MAP3K7CL: variants seen among roughly 807,000 people sequenced by gnomAD.
MAP3K7CL encodes the protein MAP3K7 C-terminal like, also known as MAP3K7 C-terminal-like protein.
MAP3K7CL carries 16 observed loss-of-function variants against 18.6 expected under a neutral mutation model. That is an observed-to-expected ratio of 0.86 (90% confidence interval 0.58 to 1.31). The LOEUF (loss-of-function observed/expected upper bound fraction) is 1.31, where lower values mean the gene tolerates loss of function less well. Among genes scored for constraint, MAP3K7CL ranks in the 50% most tolerant of loss-of-function variants. The pLI is 0.00. For missense variants in MAP3K7CL, 163 were observed against 174.4 expected, an observed-to-expected ratio of 0.93 and a Z score of 0.37; for synonymous variants, 65 against 66.8, an observed-to-expected ratio of 0.97 and a Z score of 0.13.
intron 1 of MAP3K7CL, among the ~76,000 whole-genome samples, chr21:29,132,811 C>T (rs1374945122): frequency 3.3e-5 from 5 of 152,124 alleles, no homozygotes. Context: ...CACCCAGCGA[C>T]TTTTGGTATT....
At chr21:29,083,961 AAT>A (rs898860241), upstream of MAP3K7CL, among the ~76,000 whole-genome samples, 3 of 147,398 alleles carry the variant, frequency 2.0e-5, no homozygotes, top group Admixed American at 6.8e-5. Context: ...TATAATATAT[AAT>A]ATATATAATT....
chr21:29,107,291 G>T (rs2086340494), intron 4 of MAP3K7CL, among the ~76,000 whole-genome samples: 1 of 151,948 alleles, frequency 6.6e-6, no homozygotes, highest in Non-Finnish European at 1.5e-5. Flanking sequence ...CTCTAGCCTG[G>T]GCAACAGAGC....
chr21:29,129,041 T>C (rs1405916813), upstream of MAP3K7CL, among the ~76,000 whole-genome samples: 10 of 152,226 alleles, frequency 6.6e-5, no homozygotes, highest in Admixed American at 6.5e-4. Flanking sequence ...TCCTTTTACT[T>C]GTATATTTAA....
chr21:29,092,465 G>T (rs372992511), exon 4 of MAP3K7CL: 9 of 1,614,134 alleles, frequency 5.6e-6, no homozygotes, highest in Non-Finnish European at 7.6e-6. Context: ...TCTGCAACAA[G>T]TTTGGCCATG....
chr21:29,087,103 A>G (rs2085938136), intron 1 of MAP3K7CL, among the ~76,000 whole-genome samples: 1 of 151,816 alleles, frequency 6.6e-6, no homozygotes, highest in South Asian at 2.1e-4. Flanking sequence ...GACATGCCAC[A>G]CTCATTCTCT....
At chr21:29,132,531 A>G (rs2146625352) in intron 1 of MAP3K7CL, among the ~76,000 whole-genome samples, 1 of 152,190 alleles carries the variant, frequency 6.6e-6, no homozygotes, top group South Asian at 2.1e-4. Flanking sequence ...TTTATTTTAG[A>G]CAGAGTCTCA....
intron 3 of MAP3K7CL, among the ~76,000 whole-genome samples, chr21:29,156,294 T>A (rs1269594036): frequency 6.6e-6 from 1 of 152,242 alleles, no homozygotes; most frequent in Non-Finnish European, 1.5e-5. Flanking sequence ...AAATAGTGTT[T>A]CTTTTATTCC....
At chr21:29,108,218 C>T (rs1431301340) in intron 4 of MAP3K7CL, among the ~76,000 whole-genome samples, 2 of 152,082 alleles carry the variant, frequency 1.3e-5, no homozygotes, top group African/African-American at 4.8e-5. Flanking sequence ...ATCAGATAGG[C>T]TTAGTGTCCT....
intron 4 of MAP3K7CL, among the ~76,000 whole-genome samples, chr21:29,119,552 G>A (rs1039551761): frequency 2.6e-5 from 4 of 151,958 alleles, no homozygotes; most frequent in African/African-American, 9.7e-5. Flanking sequence ...GTGCTGTTGC[G>A]CCTTTGTGTT....
At chr21:29,152,004 TA>T (rs1421327376) in intron 3 of MAP3K7CL, among the ~76,000 whole-genome samples, 2 of 152,228 alleles carry the variant, frequency 1.3e-5, no homozygotes, top group Admixed American at 6.5e-5. Flanking sequence ...TTTTCCCCCT[TA>T]AAGTATGATA....
chr21:29,105,109 C>T (rs2086297973), intron 4 of MAP3K7CL, among the ~76,000 whole-genome samples: 1 of 152,222 alleles, frequency 6.6e-6, no homozygotes, highest in Non-Finnish European at 1.5e-5. Flanking sequence ...ACCCAAGAAT[C>T]CAGCTCTGAG....
chr21:29,171,205 C>T (rs1291301701), intron 4 of MAP3K7CL, among the ~76,000 whole-genome samples: 1 of 151,998 alleles, frequency 6.6e-6, no homozygotes, highest in Non-Finnish European at 1.5e-5. Flanking sequence ...TCTGAGCTAC[C>T]TTTTTCTTCA....
In MAP3K7CL at chr21:29,174,806, C is replaced by T. The variant is rs987004753; in HGVS notation, c.343C>T (p.Arg115Trp). Residue 115 changes from arginine to tryptophan, a missense_variant, in exon 5 of 5, where the codon CGG becomes TGG. Physicochemically the swap from Arg to Trp is moderately radical, Grantham distance 101. Transcript: ENST00000399928. ...ATTCGAGGCTCTGACGGAGGAGAAT[C>T]GGACGTTGAGGTTGGCCCAGTCTCA... ...REFEALTEEN[R>W]TLRLAQSQCV... is the part of the protein sequence containing the mutation. The T allele has an allele frequency of 5.0e-6, 8 of 1,613,962 alleles. No homozygotes were observed. Among genetic ancestry groups the T allele is most frequent in the African/African-American group, 4.0e-5 (3 of 74,866 alleles).
intron 2 of MAP3K7CL, among the ~76,000 whole-genome samples, chr21:29,136,174 T>C (rs1370787369): frequency 6.6e-6 from 1 of 152,230 alleles, no homozygotes; most frequent in African/African-American, 2.4e-5. Flanking sequence ...ACTCTCTATT[T>C]TTGCATATAC....
At position 29,138,787 on chromosome 21, in the gene MAP3K7CL, G is replaced by T. The variant is rs925991055; in HGVS notation, c.70+5373G>T. Among the ~76,000 whole-genome samples, 3 of 152,006 alleles carry T rather than the reference G, an allele frequency of 2.0e-5. No homozygotes were observed. The East Asian group carries it at 5.8e-4, about 29-fold the overall frequency. ...ACTTGAGGCCAGGCAAGACCAGCCTGGGCAACATAATGAGACCTATCTCTA... is the reference window on the plus strand; with the variant it reads ...ACTTGAGGCCAGGCAAGACCAGCCTTGGCAACATAATGAGACCTATCTCTA... On this transcript the variant is annotated intron_variant, in intron 2 of 4. Coordinates refer to ENST00000399928, the MANE Select transcript of MAP3K7CL (RefSeq NM_001286620.2).
intron 4 of MAP3K7CL, among the ~76,000 whole-genome samples, chr21:29,098,884 C>T (rs977584683): frequency 8.5e-5 from 13 of 152,150 alleles, no homozygotes; most frequent in Non-Finnish European, 2.9e-5. Context: ...GACTTTGCCT[C>T]CTCAGTTATG....
At chr21:29,152,662 A>G (rs1001396320) in intron 3 of MAP3K7CL, among the ~76,000 whole-genome samples, 1 of 152,162 alleles carries the variant, frequency 6.6e-6, no homozygotes, top group Non-Finnish European at 1.5e-5. Flanking sequence ...ATCCCACCGA[A>G]GCCACTGAGT....
At chr21:29,114,475 C>T (rs1313605636) in intron 4 of MAP3K7CL, among the ~76,000 whole-genome samples, 6 of 152,178 alleles carry the variant, frequency 3.9e-5, no homozygotes, top group African/African-American at 7.2e-5. Flanking sequence ...ACTGCAACCT[C>T]GACCTCTCGA....
At chr21:29,092,595 C>T (rs2832170) in intron 4 of MAP3K7CL, 439,689 of 1,611,252 alleles carry the variant, frequency 0.27, 61,250 homozygotes, top group African/African-American at 0.37. Context: ...AGTATTCCGT[C>T]CACTTTCTGG....
Sources: allele counts gnomAD v4.1 joint callset (sites outside exome capture counted in the v4.1 genomes callset), GRCh38; gene constraint gnomAD v4.1.1; transcripts MANE v1.5; gene names NCBI Gene and HGNC (gene_info 2026-07-23, HGNC 2026-07-21).